The following DIP2A variants were observed in gnomAD, a reference collection of about 807,000 sequenced individuals.
DIP2A encodes the protein DIP2 acetate--CoA ligase A.
In DIP2A, 85 loss-of-function variants were observed where a neutral mutation model predicts 177.4. That is an observed-to-expected ratio of 0.48 (90% CI 0.40 to 0.57). DIP2A has a LOEUF of 0.57. DIP2A is among the 20% of genes least tolerant of loss of function. DIP2A has a pLI of 0.00. For synonymous variants in DIP2A, 886 were observed against 881.8 expected (o/e 1.00, Z -0.08); for missense variants, 1,791 against 2,100.2 (o/e 0.85, Z 2.88).
At chr21:46,541,978 C>T in intron 18 of DIP2A, 83 bp downstream of exon 18, 1 of 1,554,216 alleles carries the variant, frequency 6.4e-7, no homozygotes, top group Non-Finnish European at 8.8e-7. Flanking sequence ...GAGACGGAGT[C>T]TTGCTTTGTC....
At chr21:46,516,057 T>G (rs2058559997) in intron 8 of DIP2A, among the ~76,000 whole-genome samples, 1 of 152,212 alleles carries the variant, frequency 6.6e-6, no homozygotes, top group South Asian at 2.1e-4. Flanking sequence ...GCAAAGATAT[T>G]GTTTATAGGC....
At chr21:46,555,076 G>T (rs1472552607) in intron 28 of DIP2A, 143 bp downstream of exon 28, 3 of 827,838 alleles carry the variant, frequency 3.6e-6, no homozygotes, top group Admixed American at 4.5e-5. Context: ...GGTGCCCCGG[G>T]CCCTGGTGGG....
At chr21:46,462,590 C>G (rs1278775036) in intron 1 of DIP2A, 3 of 152,164 alleles carry the variant, frequency 2.0e-5, no homozygotes, top group Non-Finnish European at 2.9e-5. Context: ...AAACAACCAA[C>G]ATTAGTGTTT....
intron 22 of DIP2A, chr21:46,550,209 T>G: frequency 1.4e-6 from 1 of 740,488 alleles, no homozygotes; most frequent in South Asian, 2.1e-5. Flanking sequence ...CTGTGCAATA[T>G]ATCTCAAAGA....
intron 7 of DIP2A, among the ~76,000 whole-genome samples, chr21:46,510,953 A>G (rs1226241904): frequency 1.3e-5 from 2 of 150,730 alleles, no homozygotes; most frequent in Non-Finnish European, 2.9e-5. Flanking sequence ...TAATCTTTTA[A>G]TTCTTTTTCT....
At chr21:46,535,762 TC>T (rs2148782488) in intron 13 of DIP2A, among the ~76,000 whole-genome samples, 1 of 152,302 alleles carries the variant, frequency 6.6e-6, no homozygotes, top group South Asian at 2.1e-4. Context: ...TCAGAGCTGA[TC>T]TTACATATGT....
intron 6 of DIP2A, among the ~76,000 whole-genome samples, chr21:46,505,523 C>T (rs904820373): frequency 2.6e-5 from 4 of 152,096 alleles, no homozygotes; most frequent in Admixed American, 2.0e-4. Context: ...GCAGGAGAAT[C>T]GCTTGAACCC....
At position 46,563,866 on chromosome 21, in the gene DIP2A, C is replaced by T. The variant is rs749730705; in HGVS notation, c.4098C>T (p.Pro1366=). ...LPLMESGKIL[P]GVKVIIAHTE... is the part of the protein sequence containing the mutation. Reference sequence around the variant, plus strand: ...AGCTCTCCTCCTTCCAGATCCTCCCCGGCGTGAAGGTCATCATCGCACACA... The same window carrying T: ...AGCTCTCCTCCTTCCAGATCCTCCCTGGCGTGAAGGTCATCATCGCACACA... The change falls in exon 35 of 38, where the codon CCC becomes CCT. Residue 1366 remains proline, a synonymous_variant. Transcript: ENST00000417564. This position sits in a 1 kb window ranked among gnomAD's most constrained non-coding sequence, Gnocchi z 4.3. 134 of 1,613,436 alleles carry T rather than the reference C, an allele frequency of 8.3e-5. 1 individual carries two copies. Among genetic ancestry groups the T allele is most frequent in the Admixed American group, 1.3e-4 (8 of 59,942 alleles).
chr21:46,495,234 C>CT (rs1568967426), intron 3 of DIP2A, among the ~76,000 whole-genome samples: 1 of 64,744 alleles, frequency 1.5e-5, no homozygotes, highest in Non-Finnish European at 2.7e-5. Flanking sequence ...CTTCTCTTCT[C>CT]TTCTCTTCTT....
At chr21:46,465,338 TG>T (rs1601314119) in intron 1 of DIP2A, among the ~76,000 whole-genome samples, 1 of 151,950 alleles carries the variant, frequency 6.6e-6, no homozygotes, top group Admixed American at 6.6e-5. Flanking sequence ...GAGGCCGAGG[TG>T]GTTGGATCAC....
chr21:46,556,474 G>C lies in DIP2A; in HGVS notation c.3498+383G>C. 1 of 974,618 alleles carries C rather than the reference G, an allele frequency of 1.0e-6. No individual in the cohort carries two copies. Among genetic ancestry groups the C allele is most frequent in the Non-Finnish European group, 1.4e-6 (1 of 697,146 alleles). 60.4% of individuals were successfully genotyped at this position (974,618 alleles called of 1,614,324 possible). On this transcript the variant is annotated intron_variant, in intron 29 of 37. Transcript: ENST00000417564. This position sits in a 1 kb window ranked among gnomAD's most constrained non-coding sequence, Gnocchi z 4.5. ...CGAGGCGGGTGGATCACAAGATCAA[G>C]AGATGGAGACCATCCTGGCCAACGT...
intron 17 of DIP2A, among the ~76,000 whole-genome samples, chr21:46,541,044 A>G (rs946350335): frequency 1.3e-5 from 2 of 150,842 alleles, no homozygotes; most frequent in South Asian, 2.1e-4. Flanking sequence ...AAGTTACCCT[A>G]TTTAATCACT....
intron 8 of DIP2A, among the ~76,000 whole-genome samples, chr21:46,511,870 G>A (rs1448973286): frequency 1.3e-5 from 2 of 152,146 alleles, no homozygotes; most frequent in East Asian, 1.9e-4. Context: ...GTTTAGTTTC[G>A]TCTTATTTTC....
In DIP2A at chr21:46,495,666, G is replaced by A. The variant is rs1009283050; in HGVS notation, c.284-1322G>A. On this transcript the variant is annotated intron_variant, in intron 3 of 37. Coordinates refer to ENST00000417564, the MANE Select transcript of DIP2A (RefSeq NM_015151.4). ...CTCTGTCACCCAGGCTGGAGGCAGT[G>A]GTACAGGCATAGCTTACTGCACCTT... is the stretch of plus-strand genomic sequence containing the variant. Among the ~76,000 whole-genome samples the A allele has an allele frequency of 1.1e-4, 16 of 152,066 alleles. 1 individual carries two copies. The South Asian group carries it at 2.9e-3, about 28-fold the overall frequency.
intron 8 of DIP2A, among the ~76,000 whole-genome samples, chr21:46,517,775 T>G (rs1327857871): frequency 6.6e-6 from 1 of 152,220 alleles, no homozygotes; most frequent in East Asian, 1.9e-4. Flanking sequence ...CTCTGCAGGT[T>G]TCTTCATGTC....
chr21:46,554,388 A>G, intron 26 of DIP2A, 96 bp downstream of exon 26: 4 of 1,565,128 alleles, frequency 2.6e-6, no homozygotes, highest in East Asian at 2.3e-5. Flanking sequence ...AGCATCTTCC[A>G]AAACTAAGCT....
At chr21:46,460,022 C>T (rs2054162621) in intron 1 of DIP2A, among the ~76,000 whole-genome samples, 1 of 152,120 alleles carries the variant, frequency 6.6e-6, no homozygotes, top group Non-Finnish European at 1.5e-5. Context: ...GCTGGGAGCC[C>T]TTGCCGCGCG....
At position 46,533,583 on chromosome 21, in the gene DIP2A, G is replaced by A. The variant is rs2148767109; in HGVS notation, c.1365G>A (p.Leu455=). 1 of 1,614,040 alleles carries A rather than the reference G, an allele frequency of 6.2e-7. No individual in the cohort carries two copies. The highest frequency in any genetic ancestry group is 8.5e-7 in the Non-Finnish European group (1 of 1,179,898). The change falls in exon 11 of 38, where the codon CTG becomes CTA. Residue 455 remains leucine (L), a synonymous_variant. Transcript: ENST00000417564. The part of the protein sequence containing the change: ...LLGSCGVFLA[L]TTDACQKGLP... ...GCAGCTGTGGAGTCTTCTTGGCCCTGACCACAGACGCTTGTCAGAAAGGCC... is the reference window on the plus strand; with the variant it reads ...GCAGCTGTGGAGTCTTCTTGGCCCTAACCACAGACGCTTGTCAGAAAGGCC...
intron 8 of DIP2A, among the ~76,000 whole-genome samples, chr21:46,524,186 A>G (rs575860056): frequency 1.3e-5 from 2 of 152,310 alleles, no homozygotes; most frequent in East Asian, 1.9e-4. Context: ...TCCAGAGAGA[A>G]TAGTGGTTAA....
Sources: gnomAD v4.1 joint callset for allele counts (sites outside exome capture counted in the v4.1 genomes callset) on GRCh38, gnomAD v4.1.1 for gene constraint, Gnocchi (gnomAD v3.1) non-coding constraint, MANE v1.5 for transcripts, NCBI Gene and HGNC (gene_info 2026-07-23, HGNC 2026-07-21) for gene names.